Variants in COP1 observed in about 807,000 individuals in gnomAD.
COP1 encodes COP1 E3 ubiquitin ligase.
Under a neutral mutation model 101.3 loss-of-function variants are expected in COP1, and 24 were observed. The observed-to-expected ratio is 0.24, with a 90% CI of 0.17 to 0.33. COP1 has a LOEUF of 0.33. COP1 is among the 10% of genes least tolerant of loss of function. The pLI, the probability that COP1 is intolerant of heterozygous loss-of-function variation, is 1.00. For synonymous variants in COP1, 347 were observed against 341.9 expected, an observed-to-expected ratio of 1.01 and a Z score of -0.17; for missense variants, 663 against 906.2, an observed-to-expected ratio of 0.73 and a Z score of 3.45.
chr1:176,179,650 T>C (rs10913148), intron 2 of COP1, among the ~76,000 whole-genome samples: 15 of 151,812 alleles, frequency 9.9e-5, no homozygotes, highest in African/African-American at 3.1e-4. Context: ...AGCAGGAGGA[T>C]TGCTTGAGCC....
chr1:176,108,131 T>A (rs1206065094), intron 9 of COP1, among the ~76,000 whole-genome samples: 1 of 152,068 alleles, frequency 6.6e-6, no homozygotes, highest in Non-Finnish European at 1.5e-5. Flanking sequence ...CTGAGATACA[T>A]CAATTTTTTA....
chr1:176,148,958 T>C (rs1352602864), intron 6 of COP1, 48 bp downstream of exon 6: 1 of 1,223,580 alleles, frequency 8.2e-7, no homozygotes, highest in Non-Finnish European at 1.2e-6. Flanking sequence ...ATGGGAACAG[T>C]TAACAATAGT....
chr1:175,955,074 CCTCT>C (rs951712704), intron 18 of COP1, among the ~76,000 whole-genome samples: 6 of 151,784 alleles, frequency 4.0e-5, no homozygotes, highest in Non-Finnish European at 8.8e-5. Context: ...ATGGCGAAAC[CCTCT>C]CTATCAAAAA....
intron 11 of COP1, among the ~76,000 whole-genome samples, chr1:176,067,424 C>T (rs767100194): frequency 2.6e-5 from 4 of 152,214 alleles, no homozygotes; most frequent in Admixed American, 2.6e-4. Flanking sequence ...GGCAGAGACA[C>T]AGCAACTGGA....
rs554881591 is a variant in COP1, at chr1:176,143,420, T to C, written c.831+5586A>G. 2.0e-5 allele frequency among the ~76,000 whole-genome samples: 3 copies of C among 152,272 alleles called. No homozygotes were observed. The East Asian group carries it at 5.8e-4, about 29-fold the overall frequency. On this transcript the variant is annotated intron_variant, in intron 6 of 19. Transcript: ENST00000367669. ...CTAGACTGCTTCTCCAGTAAGATCT[T>C]TAAACATTCAAAAAAGATGTTCTTA...
At chr1:175,991,151 T>C (rs1380515303) in intron 15 of COP1, among the ~76,000 whole-genome samples, 5 of 152,096 alleles carry the variant, frequency 3.3e-5, no homozygotes, top group African/African-American at 9.7e-5. Flanking sequence ...AGATACATTC[T>C]GAGAAATGTA....
chr1:176,158,918 G>A (rs1693885273), intron 5 of COP1, among the ~76,000 whole-genome samples: 2 of 152,168 alleles, frequency 1.3e-5, no homozygotes, highest in African/African-American at 4.8e-5. Flanking sequence ...TAGGGTTACA[G>A]GCGTAAGCCA....
chr1:176,170,177 A>C (rs1422776418), intron 3 of COP1, among the ~76,000 whole-genome samples: 1 of 152,206 alleles, frequency 6.6e-6, no homozygotes, highest in African/African-American at 2.4e-5. Flanking sequence ...AACCCTTCAA[A>C]GTCATCCATG....
chr1:176,167,177 A>G (rs1184290780), intron 3 of COP1, among the ~76,000 whole-genome samples: 5 of 152,204 alleles, frequency 3.3e-5, no homozygotes, highest in Non-Finnish European at 5.9e-5. Flanking sequence ...AGAGTCACAC[A>G]CTTAGTGGGA....
intron 11 of COP1, among the ~76,000 whole-genome samples, chr1:176,077,064 A>G (rs1678182002): frequency 1.3e-5 from 2 of 152,220 alleles, no homozygotes; most frequent in Non-Finnish European, 1.5e-5. Flanking sequence ...CAAAGAATTG[A>G]TACCAATCCT....
intron 5 of COP1, chr1:176,160,189 A>G (rs554224055): frequency 3.1e-6 from 1 of 318,656 alleles, no homozygotes; most frequent in African/African-American, 2.3e-5. Flanking sequence ...GAAGGTAGGA[A>G]GAAGGTTACC....
In COP1 at chr1:176,149,496, T is replaced by C. The variant is rs1692084436; in HGVS notation, c.763-422A>G. Among the ~76,000 whole-genome samples, 6 of 152,238 alleles carry C rather than the reference T, an allele frequency of 3.9e-5. No homozygotes were observed. In the South Asian group the frequency reaches 1.2e-3, roughly 32 times the overall value. On this transcript the variant is annotated intron_variant, in intron 5 of 19. Coordinates refer to ENST00000367669, the MANE Select transcript of COP1 (RefSeq NM_022457.7). ...CAGAGGTAAGTGTAATAAATAGAGA[T>C]AAACCTATACCTTTCACAAGTCAAA...
chr1:176,169,490 C>A (rs946411317), intron 3 of COP1, among the ~76,000 whole-genome samples: 5 of 152,072 alleles, frequency 3.3e-5, no homozygotes, highest in African/African-American at 9.7e-5. Context: ...CGGTTCTAGG[C>A]CCCACAATAA....
chr1:176,176,065 G>A (rs1486899744), intron 2 of COP1, 58 bp from the exon 3 acceptor site: 5 of 807,956 alleles, frequency 6.2e-6, no homozygotes, highest in South Asian at 4.5e-5. Flanking sequence ...TTAATAAACT[G>A]GTCACAAAAT....
At chr1:176,018,749 G>C (rs539479811) in intron 15 of COP1, 1 of 152,330 alleles carries the variant, frequency 6.6e-6, no homozygotes, top group African/African-American at 2.4e-5. Flanking sequence ...GCACGCTCCT[G>C]TAGTCCCAGC....
chr1:176,091,021 A>T (rs960433542), intron 9 of COP1, among the ~76,000 whole-genome samples: 2 of 152,236 alleles, frequency 1.3e-5, no homozygotes, highest in African/African-American at 4.8e-5. Context: ...ATTTAGGAAC[A>T]ACAATTAAAA....
At chr1:176,058,334 A>G (rs945954465) in intron 11 of COP1, among the ~76,000 whole-genome samples, 2 of 152,180 alleles carry the variant, frequency 1.3e-5, no homozygotes, top group Non-Finnish European at 2.9e-5. Context: ...AAAGGGGGAA[A>G]GGTGGGGAAA....
intron 11 of COP1, among the ~76,000 whole-genome samples, chr1:176,065,819 T>C (rs1675854125): frequency 6.6e-6 from 1 of 151,000 alleles, no homozygotes; most frequent in African/African-American, 2.4e-5. Flanking sequence ...GCAATTCTCC[T>C]GCCTGAGCCT....
chr1:176,130,412 T>A (rs1271241661), intron 8 of COP1, among the ~76,000 whole-genome samples: 2 of 151,762 alleles, frequency 1.3e-5, no homozygotes, highest in Non-Finnish European at 3.0e-5. Flanking sequence ...AAATGTAAAC[T>A]ATGGTTTATA....
Sources: allele counts gnomAD v4.1 joint callset (sites outside exome capture counted in the v4.1 genomes callset), GRCh38; gene constraint gnomAD v4.1.1; transcripts MANE v1.5; gene names NCBI Gene and HGNC (gene_info 2026-07-23, HGNC 2026-07-21).